Variants in RNF17 observed in about 807,000 individuals in gnomAD.
RNF17 encodes the protein spermatogenesis associated 23.
Under a neutral mutation model 200.5 loss-of-function variants are expected in RNF17, and 31 were observed. That is an observed-to-expected ratio of 0.15 (90% CI 0.12 to 0.21). RNF17 has a LOEUF of 0.21. Among genes scored for constraint, RNF17 ranks in the 10% least tolerant of loss-of-function variants. RNF17 has a pLI of 1.00. For synonymous variants in RNF17, 606 were observed against 637.8 expected, an observed-to-expected ratio of 0.95 and a Z score of 0.75; for missense variants, 1,628 against 1,905.1, an observed-to-expected ratio of 0.85 and a Z score of 2.71.
At chr13:24,851,997 A>T (rs1301057131) in intron 24 of RNF17, among the ~76,000 whole-genome samples, 1 of 152,178 alleles carries the variant, frequency 6.6e-6, no homozygotes, top group African/African-American at 2.4e-5. Flanking sequence ...ATGAAACAGG[A>T]TGAGTAGCAA....
At chr13:24,768,653 G>T (rs1318639103) in intron 2 of RNF17, among the ~76,000 whole-genome samples, 1 of 151,700 alleles carries the variant, frequency 6.6e-6, no homozygotes, top group East Asian at 1.9e-4. Flanking sequence ...GTTTTCTGTG[G>T]AAGTGTGGCA....
chr13:24,790,496 T>C (rs896879863), intron 9 of RNF17, among the ~76,000 whole-genome samples: 6 of 152,316 alleles, frequency 3.9e-5, no homozygotes, highest in South Asian at 2.1e-4. Flanking sequence ...TAAAATCCAG[T>C]TCCTCAGTTC....
At chr13:24,795,403 A>ATG (rs1256004869) in intron 10 of RNF17, among the ~76,000 whole-genome samples, 3 of 147,742 alleles carry the variant, frequency 2.0e-5, no homozygotes, top group Non-Finnish European at 4.5e-5. Flanking sequence ...CTCTCTCTCT[A>ATG]TGTGTGTGTG....
In RNF17 at chr13:24,841,817, C is replaced by T. The variant is rs751499151; in HGVS notation, c.2483-224C>T. Among the ~76,000 whole-genome samples, 5 of 151,974 alleles carry T rather than the reference C, an allele frequency of 3.3e-5. No homozygotes were observed. In the East Asian group the frequency reaches 9.7e-4, roughly 29 times the overall value. Reference sequence around the variant, plus strand: ...CTACTAAAAATACAAAAAAAATTAGCCGGGCGTGGTGGCGCGACAGTGTCT... The same window carrying T: ...CTACTAAAAATACAAAAAAAATTAGTCGGGCGTGGTGGCGCGACAGTGTCT... On this transcript the variant is annotated intron_variant, in intron 18 of 35. Coordinates refer to ENST00000255324, the MANE Select transcript of RNF17 (RefSeq NM_031277.3).
In RNF17 at chr13:24,793,020, A is replaced by G. The variant is rs114763284; in HGVS notation, c.936-22A>G. ...CCATATACCTCTGTATTCATAGCTTATATCTCTGTATTTTTAAACAGATGT... is the reference window on the plus strand; with the variant it reads ...CCATATACCTCTGTATTCATAGCTTGTATCTCTGTATTTTTAAACAGATGT... On this transcript the variant is annotated intron_variant, in intron 9 of 35. Transcript: ENST00000255324. 1.4e-3 allele frequency: 2,032 copies of G among 1,457,574 alleles called. 24 individuals carry two copies. The African/African-American group carries it at 0.025, about 18-fold the overall frequency. The allele number at this position is 1,457,574 out of a possible 1,614,324, so 90.3% of individuals were successfully genotyped here. A position where few individuals can be genotyped will look rare whatever the true frequency, so the allele number is the denominator to read the frequency against.
At chr13:24,812,095 G>C (rs1182009957) in intron 15 of RNF17, among the ~76,000 whole-genome samples, 3 of 149,236 alleles carry the variant, frequency 2.0e-5, no homozygotes, top group African/African-American at 7.3e-5. Flanking sequence ...CTGTCTTTTT[G>C]TTTGTCTGTG....
At chr13:24,849,399 C>A (rs1891602410) in intron 22 of RNF17, among the ~76,000 whole-genome samples, 1 of 152,138 alleles carries the variant, frequency 6.6e-6, no homozygotes, top group African/African-American at 2.4e-5. Context: ...TGAATGCAAC[C>A]CAACACAAAT....
chr13:24,776,884 A>C (rs1440460373), intron 3 of RNF17, among the ~76,000 whole-genome samples: 1 of 152,224 alleles, frequency 6.6e-6, no homozygotes, highest in Non-Finnish European at 1.5e-5. Flanking sequence ...TTTCTGACAC[A>C]TGATGCCAGT....
At position 24,879,171 on chromosome 13, in the gene RNF17, T is replaced by C; in HGVS notation, c.4774-16T>C. 6.3e-7 allele frequency: 1 copy of C among 1,590,260 alleles called. No homozygotes were observed. The highest frequency in any genetic ancestry group is 8.6e-7 in the Non-Finnish European group (1 of 1,158,422). On this transcript the variant is annotated splice_polypyrimidine_tract_variant and intron_variant, in intron 34 of 35. Transcript: ENST00000255324. ...GACATTACTGTTTTCTTGACAACTG[T>C]ATCTTTTAATTTTAGGCTCCAGCAC...
At chr13:24,887,415 C>T in the RNF17 span, among the ~76,000 whole-genome samples, 16 of 152,208 alleles carry the variant, frequency 1.1e-4, no homozygotes, top group Admixed American at 3.3e-4. Context: ...CCATCACTCG[C>T]ATTACCACCT....
In RNF17 at chr13:24,775,424, A is replaced by AT. The variant is rs566416283; in HGVS notation, c.317+527dup. Among the ~76,000 whole-genome samples, 25 of 152,024 alleles carry AT rather than the reference A, an allele frequency of 1.6e-4. No individual in the cohort carries two copies. In the South Asian group the frequency reaches 5.0e-3, roughly 30 times the overall value. The stretch of plus-strand genomic sequence containing the variant: ...ACCACCATGCACAGCTAATTTTTAA[A>AT]TTTTTTTGTAGGCATGGAGTCTCAT... On this transcript the variant is annotated intron_variant, in intron 3 of 35. Coordinates refer to ENST00000255324, the MANE Select transcript of RNF17 (RefSeq NM_031277.3).
chr13:24,880,607 A>T (rs1953787974), downstream of RNF17, among the ~76,000 whole-genome samples: 1 of 152,122 alleles, frequency 6.6e-6, no homozygotes, highest in African/African-American at 2.4e-5. Context: ...ATTCACTTTT[A>T]CTGCTATATC....
chr13:24,819,925 T>A (rs1887832996), intron 15 of RNF17, among the ~76,000 whole-genome samples: 1 of 152,168 alleles, frequency 6.6e-6, no homozygotes, highest in African/African-American at 2.4e-5. Context: ...AGGGCAGATC[T>A]AGTGGTAATA....
At chr13:24,787,676 A>G (rs1328654809) in intron 6 of RNF17, among the ~76,000 whole-genome samples, 4 of 152,234 alleles carry the variant, frequency 2.6e-5, no homozygotes, top group African/African-American at 9.6e-5. Flanking sequence ...CAGGCCTTAG[A>G]TGGTCTATTG....
At chr13:24,801,209 AT>A in intron 13 of RNF17, among the ~76,000 whole-genome samples, 1 of 152,270 alleles carries the variant, frequency 6.6e-6, no homozygotes, top group East Asian at 1.9e-4. Flanking sequence ...AACTTTTCAC[AT>A]TTTTACACTG....
At chr13:24,886,300 G>A in the RNF17 span, 4 of 1,289,078 alleles carry the variant, frequency 3.1e-6, no homozygotes, top group South Asian at 2.5e-5. Flanking sequence ...AGAGCTGGAT[G>A]TTACGGGAGA....
At chr13:24,759,894 AC>A (rs1270046279), upstream of RNF17, among the ~76,000 whole-genome samples, 1 of 152,102 alleles carries the variant, frequency 6.6e-6, no homozygotes, top group Non-Finnish European at 1.5e-5. Flanking sequence ...TAATCCCAGC[AC>A]TTTGGGAGGA....
intron 15 of RNF17, among the ~76,000 whole-genome samples, chr13:24,808,867 T>G (rs1886229434): frequency 8.6e-6 from 1 of 115,778 alleles, no homozygotes; most frequent in Admixed American, 9.6e-5. Context: ...GTTGTTGAAT[T>G]TTGTCAAAGG....
chr13:24,866,381 A>ACTAT (rs34836277), intron 30 of RNF17, among the ~76,000 whole-genome samples, 178 bp downstream of exon 30: 97,861 of 151,558 alleles, frequency 0.65, 31,885 homozygotes, highest in Non-Finnish European at 0.69. Context: ...AACCATCACC[A>ACTAT]CTATTTCCAG....
Sources: allele counts gnomAD v4.1 joint callset (sites outside exome capture counted in the v4.1 genomes callset), GRCh38; gene constraint gnomAD v4.1.1; transcripts MANE v1.5; gene names NCBI Gene and HGNC (gene_info 2026-07-23, HGNC 2026-07-21).